PRELID2: variants seen among roughly 807,000 people sequenced by gnomAD.
PRELID2 encodes PRELI domain-containing protein 2.
Under a neutral mutation model 28.4 loss-of-function variants are expected in PRELID2, and 25 were observed. The ratio of observed to expected loss-of-function variants is 0.88; its 90% CI spans 0.64 to 1.23. The LOEUF is 1.23. PRELID2 is among the 50% of genes most tolerant of loss of function. The probability of loss-of-function intolerance (pLI) is 0.00; values close to 1 mark genes in which losing one functional copy is unlikely to be tolerated. For missense variants in PRELID2, 201 were observed against 214.4 expected (o/e 0.94, Z 0.39); for synonymous variants, 76 against 71.6 (o/e 1.06, Z -0.31).
chr5:145,621,359 G>A (rs982569715), intron 1 of PRELID2, among the ~76,000 whole-genome samples: 2 of 151,952 alleles, frequency 1.3e-5, no homozygotes, highest in Admixed American at 6.6e-5. Context: ...CTACAACTTG[G>A]CAAAAAAGAG....
chr5:145,553,191 C>CG lies in PRELID2; in HGVS notation n.71-79877_71-79876insC, dbSNP rs1012498669. On this transcript the variant is annotated intron_variant and non_coding_transcript_variant, in intron 1 of 2. Coordinates refer to the PRELID2 transcript ENST00000510259. The stretch of plus-strand genomic sequence containing the variant: ...TACCAGTTGCTAGAGGACCCCCCCC[C>CG]CCAAAAAAAAAGGGAGCTGTTAATT... 5.8e-3 allele frequency among the ~76,000 whole-genome samples: 820 copies of CG among 141,600 alleles called. 10 individuals are homozygous for CG. The highest frequency in any genetic ancestry group is 0.022 in the African/African-American group (790 of 36,336). 92.9% of individuals were successfully genotyped at this position (141,600 alleles called of 152,430 possible).
intron 1 of PRELID2, among the ~76,000 whole-genome samples, chr5:145,701,665 A>C (rs1755409856): frequency 6.6e-6 from 1 of 152,246 alleles, no homozygotes; most frequent in Non-Finnish European, 1.5e-5. Flanking sequence ...TCAATAAATG[A>C]CCTGTAAATC....
downstream of PRELID2, among the ~76,000 whole-genome samples, chr5:145,752,182 C>T (rs1226491883): frequency 6.6e-6 from 1 of 152,170 alleles, no homozygotes; most frequent in Non-Finnish European, 1.5e-5. Flanking sequence ...CTCTGCAAAA[C>T]CCTTTCCTTT....
the PRELID2 span, among the ~76,000 whole-genome samples, chr5:145,327,461 T>A: frequency 2.6e-5 from 4 of 152,176 alleles, no homozygotes; most frequent in African/African-American, 9.6e-5. Flanking sequence ...GCTATTTGCA[T>A]AGAATTTCTT....
the PRELID2 span, among the ~76,000 whole-genome samples, chr5:145,337,107 TATAATA>T: frequency 6.7e-6 from 1 of 149,814 alleles, no homozygotes; most frequent in African/African-American, 2.5e-5. Flanking sequence ...AAACTTGAAG[TATAATA>T]ATAATAATAA....
chr5:145,767,178 G>C (rs549558594), intron 5 of PRELID2, among the ~76,000 whole-genome samples: 4 of 147,610 alleles, frequency 2.7e-5, no homozygotes, highest in African/African-American at 1.0e-4. Context: ...TGGTGGAGTG[G>C]CAGAGCAGCA....
At chr5:145,523,639 C>G (rs2126653085) in intron 1 of PRELID2, among the ~76,000 whole-genome samples, 1 of 152,200 alleles carries the variant, frequency 6.6e-6, no homozygotes, top group East Asian at 1.9e-4. Flanking sequence ...GGAAGGAAAG[C>G]AAGCTCTATC....
chr5:145,236,366 C>T, the PRELID2 span, among the ~76,000 whole-genome samples: 2 of 152,174 alleles, frequency 1.3e-5, no homozygotes, highest in Non-Finnish European at 2.9e-5. Context: ...GTCATTGCAA[C>T]ACCCTCTTCC....
the PRELID2 span, among the ~76,000 whole-genome samples, chr5:145,384,377 G>T: frequency 2.6e-5 from 4 of 151,988 alleles, no homozygotes; most frequent in Non-Finnish European, 5.9e-5. Flanking sequence ...ACAGGAGAAT[G>T]GATACAAACT....
chr5:145,572,537 T>G (rs1753023644), intron 1 of PRELID2, among the ~76,000 whole-genome samples: 1 of 152,350 alleles, frequency 6.6e-6, no homozygotes, highest in Admixed American at 6.5e-5. Context: ...ATCATTATCA[T>G]AATTATTTTA....
At chr5:145,649,542 A>T (rs1754254097) in intron 1 of PRELID2, among the ~76,000 whole-genome samples, 1 of 152,142 alleles carries the variant, frequency 6.6e-6, no homozygotes, top group Admixed American at 6.5e-5. Context: ...GGTTATCAGG[A>T]CATAACCTCG....
chr5:145,384,962 G>C, the PRELID2 span, among the ~76,000 whole-genome samples: 4 of 152,078 alleles, frequency 2.6e-5, no homozygotes, highest in Non-Finnish European at 5.9e-5. Flanking sequence ...GAGATTTTGG[G>C]TGGGGACAAA....
chr5:145,392,901 T>C, the PRELID2 span, among the ~76,000 whole-genome samples: 7 of 152,178 alleles, frequency 4.6e-5, no homozygotes, highest in East Asian at 1.9e-4. Flanking sequence ...TCCAGTGACA[T>C]AGTCTGACTC....
chr5:145,416,853 C>T, the PRELID2 span, among the ~76,000 whole-genome samples: 1 of 151,700 alleles, frequency 6.6e-6, no homozygotes. Flanking sequence ...GTGAATCCAG[C>T]TTTAACCCAA....
chr5:145,422,725 G>T, the PRELID2 span, among the ~76,000 whole-genome samples: 1 of 151,758 alleles, frequency 6.6e-6, no homozygotes, highest in African/African-American at 2.4e-5. Flanking sequence ...GGAGCATTTA[G>T]TCCATTTACA....
chr5:145,805,763 C>T (rs944786713), intron 4 of PRELID2, among the ~76,000 whole-genome samples: 6 of 152,160 alleles, frequency 3.9e-5, no homozygotes, highest in African/African-American at 1.4e-4. Flanking sequence ...GATGGTATAG[C>T]TTACTACACA....
the PRELID2 span, among the ~76,000 whole-genome samples, chr5:145,415,358 T>C: frequency 6.6e-6 from 1 of 151,962 alleles, no homozygotes; most frequent in Non-Finnish European, 1.5e-5. Context: ...TGTATACATG[T>C]GCCATGCTGG....
At chr5:145,655,692 G>A (rs1271534973) in intron 1 of PRELID2, among the ~76,000 whole-genome samples, 1 of 152,150 alleles carries the variant, frequency 6.6e-6, no homozygotes, top group Non-Finnish European at 1.5e-5. Flanking sequence ...AAACTGGCAA[G>A]CCATATGTAG....
chr5:145,723,469 C>G (rs1430933799), intron 1 of PRELID2, among the ~76,000 whole-genome samples: 1 of 152,012 alleles, frequency 6.6e-6, no homozygotes, highest in Middle Eastern at 3.2e-3. Context: ...AGATAAAAAG[C>G]TATTATCTTT....
Sources: gnomAD v4.1 joint callset for allele counts (sites outside exome capture counted in the v4.1 genomes callset) on GRCh38, gnomAD v4.1.1 for gene constraint, MANE v1.5 for transcripts, NCBI Gene and HGNC (gene_info 2026-07-23, HGNC 2026-07-21) for gene names.